The following DMD variants were observed in gnomAD, a reference collection of about 807,000 sequenced individuals.
The protein encoded by DMD is dystrophin.
In DMD, 63 loss-of-function variants were observed where a neutral mutation model predicts 330.1. The observed-to-expected ratio is 0.19, with a 90% confidence interval of 0.16 to 0.24. DMD has a LOEUF of 0.24. Ranked by LOEUF, DMD falls within the 10% of genes least tolerant of loss-of-function variation. The probability of loss-of-function intolerance (pLI) is 1.00; values close to 1 mark genes in which losing one functional copy is unlikely to be tolerated. For missense variants in DMD, 3,344 were observed against 2,684.1 expected (o/e 1.25, Z -5.43); for synonymous variants, 1,223 against 959.8 (o/e 1.27, Z -5.07).
At chrX:32,793,402 A>AC (rs1453371078) in intron 7 of DMD, among the ~76,000 whole-genome samples, 1 of 111,335 alleles carries the variant, frequency 9.0e-6, no homozygotes, top group African/African-American at 3.3e-5. Context: ...AACAAACCAA[A>AC]CCCAGAATTA....
rs1316770562 is a variant in DMD, at chrX:32,448,552, A to C, written c.3690T>G (p.Pro1230=). ...CCTTTTTTAAGGCCTCTTGTGCTAC[A>C]GGTGGAGCTTGAGCTATGACACTAT... ...SVNSVIAQAP[P]VAQEALKKEL... The change falls in exon 27 of 79, where the codon CCT becomes CCG. Residue 1230 remains proline, a synonymous_variant. Transcript: ENST00000357033. The C allele has an allele frequency of 1.7e-6, 2 of 1,207,094 alleles. No individual in the cohort carries two copies. The highest frequency in any genetic ancestry group is 2.2e-6 in the Non-Finnish European group (2 of 893,051).
chrX:32,650,874 G>A (rs2060104478), intron 9 of DMD, among the ~76,000 whole-genome samples: 1 of 111,778 alleles, frequency 8.9e-6, no homozygotes, highest in Non-Finnish European at 1.9e-5. Context: ...CTTAGTGTCA[G>A]TCAATTTGCT....
At position 31,559,438 on chromosome X, in the gene DMD, C is replaced by G. The variant is rs1473631968; in HGVS notation, c.8218-51985G>C. Reference sequence around the variant, plus strand: ...CGGGCGGATCACGAGGTCAGGAGATCGAGACCATCCTGGCTAACACGGTGA... The same window carrying G: ...CGGGCGGATCACGAGGTCAGGAGATGGAGACCATCCTGGCTAACACGGTGA... On this transcript the variant is annotated intron_variant, in intron 55 of 78. Coordinates refer to ENST00000357033, the MANE Select transcript of DMD (RefSeq NM_004006.3). 1.3e-4 allele frequency among the ~76,000 whole-genome samples: 10 copies of G among 75,767 alleles called. 1 individual carries two copies. The highest frequency in any genetic ancestry group is 2.4e-4 in the Non-Finnish European group (10 of 42,490). 65.8% of individuals were successfully genotyped at this position (75,767 alleles called of 115,157 possible). A position where few individuals can be genotyped will look rare whatever the true frequency, so the allele number is the denominator to read the frequency against.
chrX:32,924,402 C>T (rs2088768146), intron 2 of DMD, among the ~76,000 whole-genome samples: 1 of 110,649 alleles, frequency 9.0e-6, no homozygotes, highest in Non-Finnish European at 1.9e-5. Flanking sequence ...GTGGTGTGCA[C>T]TTGTCCCAGC....
chrX:32,954,665 A>AT (rs889154202), intron 2 of DMD, among the ~76,000 whole-genome samples: 20 of 109,637 alleles, frequency 1.8e-4, no homozygotes, highest in South Asian at 1.2e-3. Flanking sequence ...ACCATCAGTT[A>AT]TTTTTTTTTA....
At chrX:32,978,941 G>A (rs1323252323) in intron 2 of DMD, among the ~76,000 whole-genome samples, 3 of 112,042 alleles carry the variant, frequency 2.7e-5, no homozygotes, top group Non-Finnish European at 5.6e-5. Context: ...CTCACATAAA[G>A]AAGACTTAAA....
chrX:33,321,224 G>A (rs1450158700), intron 1 of DMD, among the ~76,000 whole-genome samples: 1 of 111,265 alleles, frequency 9.0e-6, no homozygotes, highest in African/African-American at 3.3e-5. Context: ...ATATCCATCA[G>A]AAGATTTATT....
chrX:33,120,701 C>T (rs1158309476), intron 1 of DMD, among the ~76,000 whole-genome samples: 8 of 108,807 alleles, frequency 7.4e-5, no homozygotes, highest in Admixed American at 9.9e-5. Context: ...GCCAACGTGG[C>T]GAAACCCCGT....
At chrX:32,420,358 C>A (rs973194299) in intron 29 of DMD, among the ~76,000 whole-genome samples, 1 of 111,599 alleles carries the variant, frequency 9.0e-6, no homozygotes, top group African/African-American at 3.3e-5. Context: ...ATACATGAGA[C>A]AAAAGTCCAA....
rs760903823 is a variant in DMD at position 31,507,323 on chromosome X, T to C, written c.8348A>G (p.Asn2783Ser). The change falls in exon 56 of 79, where the codon AAC becomes AGC. Residue 2783 changes from asparagine to serine, a missense_variant. Asn to Ser is a conservative substitution (Grantham distance 46). Transcript: ENST00000357033. ...TTTCCGAAGTTCACTCCACTTGAAG[T>C]TCATGTTATCCAAACGTCTTTGTAA... ...VLLQRRLDNM[N>S]FKWSELRKKS... The C allele has an allele frequency of 1.4e-5, 17 of 1,210,130 alleles. No homozygotes were observed. In the South Asian group the frequency reaches 2.8e-4, roughly 20 times the overall value.
chrX:32,724,447 C>T (rs1214694092), intron 7 of DMD, among the ~76,000 whole-genome samples: 1 of 111,465 alleles, frequency 9.0e-6, no homozygotes, highest in Non-Finnish European at 1.9e-5. Flanking sequence ...TGGTTATTGA[C>T]CATATGTATT....
chrX:31,997,645 T>C (rs1044638165), intron 44 of DMD, among the ~76,000 whole-genome samples: 11 of 110,748 alleles, frequency 9.9e-5, no homozygotes, highest in African/African-American at 3.6e-4. Flanking sequence ...TTGTATTTTT[T>C]TTTCTTTGCA....
At chrX:33,253,725 G>A (rs184108291) in intron 1 of DMD, among the ~76,000 whole-genome samples, 97 of 111,139 alleles carry the variant, frequency 8.7e-4, no homozygotes, top group Non-Finnish European at 1.4e-3. Flanking sequence ...GGTATAAGCG[G>A]TTATGAAGTA....
chrX:33,284,080 A>C (rs554353453), intron 1 of DMD, among the ~76,000 whole-genome samples: 3 of 111,219 alleles, frequency 2.7e-5, no homozygotes, highest in African/African-American at 9.8e-5. Context: ...TACCAACTTG[A>C]AATTACAGAT....
At chrX:32,732,735 C>T (rs889120133) in intron 7 of DMD, among the ~76,000 whole-genome samples, 4 of 110,539 alleles carry the variant, frequency 3.6e-5, no homozygotes, top group Middle Eastern at 4.7e-3. Flanking sequence ...CACCACCAGG[C>T]CTGCCCTAAA....
At chrX:32,495,421 C>G (rs2043395040) in intron 19 of DMD, among the ~76,000 whole-genome samples, 1 of 111,728 alleles carries the variant, frequency 9.0e-6, no homozygotes, top group South Asian at 3.7e-4. Flanking sequence ...CAAACAAGCA[C>G]ACAATCTCTC....
At chrX:32,267,853 T>C (rs1241867794) in intron 43 of DMD, among the ~76,000 whole-genome samples, 1 of 112,249 alleles carries the variant, frequency 8.9e-6, no homozygotes, top group East Asian at 2.8e-4. Context: ...CTAACTGTTA[T>C]GAATCACACT....
chrX:32,442,261 A>G (rs1258301868), intron 27 of DMD, among the ~76,000 whole-genome samples: 1 of 111,209 alleles, frequency 9.0e-6, no homozygotes, highest in Admixed American at 9.6e-5. Flanking sequence ...TCAAAATAGA[A>G]GAAAACAACT....
intron 1 of DMD, among the ~76,000 whole-genome samples, chrX:33,024,668 T>A (rs2147792203): frequency 9.0e-6 from 1 of 111,697 alleles, no homozygotes; most frequent in African/African-American, 3.2e-5. Flanking sequence ...TATTCCTTAG[T>A]CCCTCAGGAA....
Sources: gnomAD v4.1 joint callset for allele counts (sites outside exome capture counted in the v4.1 genomes callset) on GRCh38, gnomAD v4.1.1 for gene constraint, MANE v1.5 for transcripts, NCBI Gene and HGNC (gene_info 2026-07-23, HGNC 2026-07-21) for gene names.